Variants in MAML3 observed in about 807,000 individuals in gnomAD.
The protein encoded by MAML3 is mastermind-like protein 3.
In MAML3, 27 loss-of-function variants were observed where a neutral mutation model predicts 101.9. The ratio of observed to expected loss-of-function variants is 0.27; its 90% CI spans 0.20 to 0.37. The LOEUF (loss-of-function observed/expected upper bound fraction) is 0.37, where lower values mean the gene tolerates loss of function less well. Ranked by LOEUF, MAML3 falls within the 10% of genes least tolerant of loss-of-function variation. MAML3 has a pLI of 1.00. For synonymous variants in MAML3, 501 were observed against 555.9 expected, an observed-to-expected ratio of 0.90 and a Z score of 1.39; for missense variants, 1,316 against 1,444.9, an observed-to-expected ratio of 0.91 and a Z score of 1.45.
At chr4:140,003,072 CT>C (rs1726356671) in intron 1 of MAML3, among the ~76,000 whole-genome samples, 1 of 152,234 alleles carries the variant, frequency 6.6e-6, no homozygotes, top group Non-Finnish European at 1.5e-5. Flanking sequence ...CAATTTACCA[CT>C]TCTTTCTCAA....
intron 1 of MAML3, among the ~76,000 whole-genome samples, chr4:140,025,745 G>A (rs72935707): frequency 5.9e-5 from 9 of 152,270 alleles, no homozygotes; most frequent in African/African-American, 2.2e-4. Flanking sequence ...TGCCACTTTC[G>A]ACTTCATCTA....
At chr4:140,071,789 A>AGAGAGAG (rs1553972703) in intron 1 of MAML3, among the ~76,000 whole-genome samples, 1 of 90,364 alleles carries the variant, frequency 1.1e-5, no homozygotes, top group African/African-American at 3.6e-5. Flanking sequence ...GAGAGAGAGA[A>AGAGAGAG]GGCACGCATC....
chr4:139,991,961 G>T (rs1406035421), intron 1 of MAML3, among the ~76,000 whole-genome samples: 2 of 152,100 alleles, frequency 1.3e-5, no homozygotes, highest in African/African-American at 4.8e-5. Flanking sequence ...CCAGTTTGAG[G>T]ACACTTCCAT....
intron 1 of MAML3, among the ~76,000 whole-genome samples, chr4:139,991,545 A>G (rs1734672686): frequency 6.6e-6 from 1 of 152,222 alleles, no homozygotes; most frequent in African/African-American, 2.4e-5. Flanking sequence ...CTAACTTTAA[A>G]TGGTAATACT....
At chr4:139,742,347 C>G (rs1729197796) in intron 2 of MAML3, among the ~76,000 whole-genome samples, 1 of 152,124 alleles carries the variant, frequency 6.6e-6, no homozygotes, top group African/African-American at 2.4e-5. Context: ...CAGGGTTTCA[C>G]CGTGTTGGCC....
chr4:140,073,330 G>A (rs1164417554), intron 1 of MAML3, among the ~76,000 whole-genome samples: 1 of 152,058 alleles, frequency 6.6e-6, no homozygotes, highest in African/African-American at 2.4e-5. Context: ...TAGAGACAGG[G>A]TTTCACCATG....
chr4:140,065,517 A>G lies in MAML3; in HGVS notation c.468+87343T>C, dbSNP rs544054922. ...AAAATCAACACTTCGTGGCTTTCCCATCTTCAAGACCTTCTGGAATAAACT... is the reference window on the plus strand; with the variant it reads ...AAAATCAACACTTCGTGGCTTTCCCGTCTTCAAGACCTTCTGGAATAAACT... On this transcript the variant is annotated intron_variant, in intron 1 of 4. Coordinates refer to ENST00000509479, the MANE Select transcript of MAML3 (RefSeq NM_018717.5). 1.0e-3 allele frequency among the ~76,000 whole-genome samples: 152 copies of G among 152,276 alleles called. 1 individual carries two copies. The highest frequency in any genetic ancestry group is 2.9e-3 in the African/African-American group (121 of 41,550).
At chr4:140,125,438 T>TA (rs1227179623) in intron 1 of MAML3, among the ~76,000 whole-genome samples, 14 of 97,558 alleles carry the variant, frequency 1.4e-4, no homozygotes, top group Non-Finnish European at 2.7e-4. Flanking sequence ...TTAAAAACTT[T>TA]AAAAAAGTAA....
At position 140,035,299 on chromosome 4, in the gene MAML3, C is replaced by T. The variant is rs77977914; in HGVS notation, c.468+117561G>A. Reference sequence around the variant, plus strand: ...AAGCCAAGGAAATTCTAAGGTGAAACCCTGAAAAACAGAAAGTTCATGTTC... The same window carrying T: ...AAGCCAAGGAAATTCTAAGGTGAAATCCTGAAAAACAGAAAGTTCATGTTC... On this transcript the variant is annotated intron_variant, in intron 1 of 4. Coordinates refer to ENST00000509479, the MANE Select transcript of MAML3 (RefSeq NM_018717.5). 5.5e-3 allele frequency among the ~76,000 whole-genome samples: 837 copies of T among 152,112 alleles called. 8 individuals are homozygous for T. Among genetic ancestry groups the T allele is most frequent in the African/African-American group, 0.018 (739 of 41,500 alleles).
At chr4:139,861,047 T>C (rs757537121) in intron 2 of MAML3, among the ~76,000 whole-genome samples, 1 of 152,132 alleles carries the variant, frequency 6.6e-6, no homozygotes, top group African/African-American at 2.4e-5. Flanking sequence ...TATACATCTG[T>C]ATATACTAAA....
intron 2 of MAML3, among the ~76,000 whole-genome samples, chr4:139,842,867 C>T (rs1342826865): frequency 6.9e-6 from 1 of 145,450 alleles, no homozygotes; most frequent in African/African-American, 2.6e-5. Context: ...TAACCTCCGC[C>T]TCCTGGTTCA....
intron 1 of MAML3, among the ~76,000 whole-genome samples, chr4:139,965,243 T>C (rs1257797638): frequency 6.6e-6 from 1 of 151,822 alleles, no homozygotes; most frequent in Non-Finnish European, 1.5e-5. Flanking sequence ...ATCTGTGTAA[T>C]TACCACAGAA....
chr4:140,094,766 C>T (rs997030271), intron 1 of MAML3, among the ~76,000 whole-genome samples: 1 of 152,212 alleles, frequency 6.6e-6, no homozygotes, highest in Non-Finnish European at 1.5e-5. Flanking sequence ...ATCATCTTCC[C>T]GCTTCCTTCC....
At chr4:139,939,828 G>A (rs942175857) in intron 1 of MAML3, among the ~76,000 whole-genome samples, 3 of 149,470 alleles carry the variant, frequency 2.0e-5, no homozygotes, top group African/African-American at 7.4e-5. Flanking sequence ...GCAGTGGCGC[G>A]ATCTCGGCTC....
At chr4:139,906,560 G>A (rs1055861937) in intron 1 of MAML3, among the ~76,000 whole-genome samples, 2 of 152,214 alleles carry the variant, frequency 1.3e-5, no homozygotes, top group African/African-American at 2.4e-5. Flanking sequence ...AAGGAATGAT[G>A]GTTAGGATTC....
At chr4:139,747,467 G>A (rs552914105) in intron 2 of MAML3, among the ~76,000 whole-genome samples, 2 of 152,202 alleles carry the variant, frequency 1.3e-5, no homozygotes, top group Non-Finnish European at 2.9e-5. Flanking sequence ...GCCGAGGCAG[G>A]TGGATCACCT....
At chr4:139,971,161 T>A (rs1734228567) in intron 1 of MAML3, among the ~76,000 whole-genome samples, 1 of 152,108 alleles carries the variant, frequency 6.6e-6, no homozygotes, top group South Asian at 2.1e-4. Context: ...CTCTAATTAC[T>A]AACTCTTCTC....
chr4:139,816,019 A>G (rs772266828), intron 2 of MAML3, among the ~76,000 whole-genome samples: 1 of 152,210 alleles, frequency 6.6e-6, no homozygotes, highest in African/African-American at 2.4e-5. Flanking sequence ...CAGCTCCAAT[A>G]TAATTCTAAG....
At chr4:139,898,349 T>C (rs986621664) in intron 1 of MAML3, among the ~76,000 whole-genome samples, 1 of 152,236 alleles carries the variant, frequency 6.6e-6, no homozygotes, top group African/African-American at 2.4e-5. Flanking sequence ...GAATCCCTGA[T>C]GAGAACCACT....
Sources: allele counts gnomAD v4.1 joint callset (sites outside exome capture counted in the v4.1 genomes callset), GRCh38; gene constraint gnomAD v4.1.1; transcripts MANE v1.5; gene names NCBI Gene and HGNC (gene_info 2026-07-23, HGNC 2026-07-21).